The following SAMD12 variants were observed in gnomAD, a reference collection of about 807,000 sequenced individuals.
SAMD12 encodes the protein sterile alpha motif domain-containing protein 12.
A neutral mutation model predicts 15.0 loss-of-function variants in SAMD12; 9 were observed. The ratio of observed to expected loss-of-function variants is 0.60; its 90% CI spans 0.36 to 1.05. SAMD12 has a LOEUF of 1.05. Among genes scored for constraint, SAMD12 ranks in the 50% least tolerant of loss-of-function variants. The pLI is 0.01. For synonymous variants in SAMD12, 86 were observed against 90.1 expected, an observed-to-expected ratio of 0.96 and a Z score of 0.25; for missense variants, 230 against 234.2, an observed-to-expected ratio of 0.98 and a Z score of 0.12.
intron 4 of SAMD12, among the ~76,000 whole-genome samples, chr8:118,255,762 C>T (rs1812924390): frequency 1.3e-5 from 2 of 151,924 alleles, no homozygotes; most frequent in African/African-American, 2.4e-5. Context: ...CATTGTTGGA[C>T]ATTTGGGTTG....
chr8:118,596,362 A>G (rs1217945756), intron 1 of SAMD12, among the ~76,000 whole-genome samples: 1 of 152,214 alleles, frequency 6.6e-6, no homozygotes, highest in Non-Finnish European at 1.5e-5. Flanking sequence ...GTCAACTCAC[A>G]TGCTCCAAGT....
the SAMD12 span, among the ~76,000 whole-genome samples, chr8:118,137,363 T>C: frequency 6.6e-6 from 1 of 152,224 alleles, no homozygotes; most frequent in Non-Finnish European, 1.5e-5. Flanking sequence ...TCCACAATTT[T>C]CCATCTGCCT....
In SAMD12 at chr8:118,378,813, C is replaced by G. The variant is rs796518591; in HGVS notation, c.*604G>C. On this transcript the variant is annotated 3_prime_UTR_variant, in exon 4 of 4. Coordinates refer to ENST00000314727, the MANE Select transcript of SAMD12 (RefSeq NM_207506.3). ...CAGTTACATATAGTGTAACTTAAGGCTTTCTTCGAATTCTAGCTTTATTTT... is the reference window on the plus strand; with the variant it reads ...CAGTTACATATAGTGTAACTTAAGGGTTTCTTCGAATTCTAGCTTTATTTT... The G allele has an allele frequency of 1.0e-6, 1 of 985,392 alleles. No individual in the cohort carries two copies. The highest frequency in any genetic ancestry group is 1.7e-5 in the African/African-American group (1 of 57,356). 61.0% of individuals were successfully genotyped at this position (985,392 alleles called of 1,614,324 possible). A position where few individuals can be genotyped will look rare whatever the true frequency, so the allele number is the denominator to read the frequency against.
At chr8:118,194,640 C>A (rs1399824298) in exon 5 of SAMD12, 1 of 152,202 alleles carries the variant, frequency 6.6e-6, no homozygotes, top group African/African-American at 2.4e-5. Flanking sequence ...CAACAGTTTA[C>A]AGTCCTTAGA....
intron 4 of SAMD12, among the ~76,000 whole-genome samples, chr8:118,319,255 T>C (rs773104348): frequency 1.3e-5 from 2 of 151,984 alleles, no homozygotes; most frequent in Non-Finnish European, 2.9e-5. Flanking sequence ...AAAGAAACCA[T>C]CAAAGAACAA....
intron 2 of SAMD12, among the ~76,000 whole-genome samples, chr8:118,477,159 G>A (rs1189276605): frequency 1.3e-5 from 2 of 151,368 alleles, no homozygotes; most frequent in African/African-American, 4.9e-5. Flanking sequence ...TCCACCTCCC[G>A]AGTTCAAGCA....
At chr8:118,465,404 G>A (rs1586739062) in intron 2 of SAMD12, among the ~76,000 whole-genome samples, 1 of 152,152 alleles carries the variant, frequency 6.6e-6, no homozygotes, top group South Asian at 2.1e-4. Context: ...AAAAGAAGAT[G>A]ATCAGCTAAC....
chr8:118,307,133 T>C (rs1426292865), intron 4 of SAMD12, among the ~76,000 whole-genome samples: 1 of 152,188 alleles, frequency 6.6e-6, no homozygotes, highest in Non-Finnish European at 1.5e-5. Flanking sequence ...AGAAAGGCCA[T>C]TAGTGTCCTA....
In SAMD12 at chr8:118,290,600, C is replaced by T. The variant is rs76323363; in HGVS notation, c.433+88960G>A. The stretch of plus-strand genomic sequence containing the variant: ...TTGCTTTTTGCTTAAATTACATTAA[C>T]TGAAAGAGTTAACACTAGTTATTTC... On this transcript the variant is annotated intron_variant, in intron 4 of 4. Transcript: ENST00000409003. Among the ~76,000 whole-genome samples the T allele has an allele frequency of 4.4e-3, 675 of 152,320 alleles. 20 individuals are homozygous for T. In the South Asian group the frequency reaches 0.05, roughly 11 times the overall value.
chr8:118,393,156 T>G (rs770731323), intron 3 of SAMD12, among the ~76,000 whole-genome samples: 1 of 152,280 alleles, frequency 6.6e-6, no homozygotes, highest in South Asian at 2.1e-4. Context: ...ATGTCAAAGA[T>G]GAGGAAATAG....
chr8:118,229,500 G>A (rs2451175), intron 4 of SAMD12, among the ~76,000 whole-genome samples: 74,457 of 151,850 alleles, frequency 0.49, 20,164 homozygotes, highest in Non-Finnish European at 0.62. Context: ...TTTGTTTTAC[G>A]TTTAGCCTTC....
intron 4 of SAMD12, among the ~76,000 whole-genome samples, chr8:118,209,722 T>C (rs1819965374): frequency 6.6e-6 from 1 of 152,338 alleles, no homozygotes; most frequent in East Asian, 1.9e-4. Context: ...TGTTTGAAAT[T>C]ACACTGCTTG....
At chr8:118,188,037 A>AAG (rs145785924), downstream of SAMD12, among the ~76,000 whole-genome samples, 5,066 of 147,524 alleles carry the variant, frequency 0.034, 137 homozygotes, top group African/African-American at 0.072. Context: ...AATGGGTTGG[A>AAG]AGAGAGAGAG....
chr8:118,302,752 C>T (rs1815114436), intron 4 of SAMD12, among the ~76,000 whole-genome samples: 1 of 152,122 alleles, frequency 6.6e-6, no homozygotes, highest in South Asian at 2.1e-4. Context: ...GTGATTGAGT[C>T]TTCAAACTTA....
intron 2 of SAMD12, among the ~76,000 whole-genome samples, chr8:118,578,784 T>C (rs1827214757): frequency 6.6e-6 from 1 of 152,164 alleles, no homozygotes; most frequent in African/African-American, 2.4e-5. Context: ...GACAAATTCT[T>C]TGTCTAAGCT....
At chr8:118,493,367 C>A (rs1225718504) in intron 2 of SAMD12, among the ~76,000 whole-genome samples, 1 of 152,194 alleles carries the variant, frequency 6.6e-6, no homozygotes, top group Non-Finnish European at 1.5e-5. Context: ...ACATTCTTTC[C>A]TTTCACTGGC....
chr8:118,539,164 T>C (rs1825926372), intron 2 of SAMD12, among the ~76,000 whole-genome samples: 1 of 152,348 alleles, frequency 6.6e-6, no homozygotes, highest in Non-Finnish European at 1.5e-5. Flanking sequence ...TGCCTTGGCA[T>C]TGCTGATCAT....
intron 4 of SAMD12, among the ~76,000 whole-genome samples, chr8:118,256,353 G>A (rs1812938633): frequency 6.6e-6 from 1 of 152,092 alleles, no homozygotes; most frequent in Admixed American, 6.6e-5. Flanking sequence ...AATGGGTTAT[G>A]TTTTAATGAC....
At chr8:118,403,428 G>A (rs1457303896) in intron 3 of SAMD12, among the ~76,000 whole-genome samples, 2 of 151,826 alleles carry the variant, frequency 1.3e-5, no homozygotes, top group African/African-American at 4.8e-5. Flanking sequence ...AAGAATCCCT[G>A]GATTTAAATT....
Sources: allele counts gnomAD v4.1 joint callset (sites outside exome capture counted in the v4.1 genomes callset), GRCh38; gene constraint gnomAD v4.1.1; transcripts MANE v1.5; gene names NCBI Gene and HGNC (gene_info 2026-07-23, HGNC 2026-07-21).